Variants in PRKN observed in about 807,000 individuals in gnomAD.
The protein encoded by PRKN is E3 ubiquitin-protein ligase parkin.
Under a neutral mutation model 59.5 loss-of-function variants are expected in PRKN, and 56 were observed. That is an observed-to-expected ratio of 0.94 (90% CI 0.76 to 1.18). The LOEUF is 1.18. PRKN is among the 50% of genes most tolerant of loss of function. The pLI is 0.00. For synonymous variants in PRKN, 250 were observed against 222.1 expected (o/e 1.13, Z -1.12); for missense variants, 657 against 596.4 (o/e 1.10, Z -1.06).
rs1397646089 is a variant in PRKN at position 161,440,802 on chromosome 6, T to C, written c.1084-53925A>G. 6.6e-6 allele frequency among the ~76,000 whole-genome samples: 1 copy of C among 152,170 alleles called. No individual in the cohort carries two copies. Among genetic ancestry groups the C allele is most frequent in the African/African-American group, 2.4e-5 (1 of 41,446 alleles). Reference sequence around the variant, plus strand: ...CTGAAGGTAGAAAGTAGAATGGCCCTGGGTTTTCTGAGGGTTCTTTATTTG... The same window carrying C: ...CTGAAGGTAGAAAGTAGAATGGCCCCGGGTTTTCTGAGGGTTCTTTATTTG... On this transcript the variant is annotated intron_variant, in intron 9 of 11. Coordinates refer to ENST00000366898, the MANE Select transcript of PRKN (RefSeq NM_004562.3). This position sits in a 1 kb window ranked among gnomAD's most constrained non-coding sequence, Gnocchi z 4.1.
At chr6:162,055,996 TGCACGCACACAG>T (rs1562486834) in intron 4 of PRKN, among the ~76,000 whole-genome samples, 4 of 37,978 alleles carry the variant, frequency 1.1e-4, no homozygotes, top group Admixed American at 5.8e-4. Context: ...CACTCAGGCA[TGCACGCACACAG>T]GCATGCACGC....
chr6:162,550,123 C>T (rs892338366), intron 1 of PRKN, among the ~76,000 whole-genome samples: 1 of 152,128 alleles, frequency 6.6e-6, no homozygotes, highest in African/African-American at 2.4e-5. Flanking sequence ...GTTAAGGTTA[C>T]TCCAGTGATC....
intron 5 of PRKN, among the ~76,000 whole-genome samples, chr6:162,014,980 A>G (rs1414740797): frequency 6.6e-6 from 1 of 152,160 alleles, no homozygotes; most frequent in Non-Finnish European, 1.5e-5. Flanking sequence ...TACTTTTTGT[A>G]TAATATCATA....
intron 1 of PRKN, among the ~76,000 whole-genome samples, chr6:162,720,456 T>C (rs1427531932): frequency 6.8e-6 from 1 of 148,108 alleles, no homozygotes. Context: ...TTTTTTTTTT[T>C]TTTTTGAGAC....
chr6:162,355,156 T>C (rs1428797013), intron 2 of PRKN, among the ~76,000 whole-genome samples: 1 of 151,636 alleles, frequency 6.6e-6, no homozygotes, highest in East Asian at 1.9e-4. Flanking sequence ...TAATATATAG[T>C]TTCATGTTAT....
At chr6:161,464,793 ATGAATCCCCAGTG>A (rs1790377728) in intron 9 of PRKN, among the ~76,000 whole-genome samples, 1 of 152,262 alleles carries the variant, frequency 6.6e-6, no homozygotes, top group South Asian at 2.1e-4. Flanking sequence ...AAGGTCTCTT[ATGAATCCCCAGTG>A]AAACGAATTA....
chr6:162,395,826 C>G (rs1043356948), intron 2 of PRKN, among the ~76,000 whole-genome samples: 1 of 152,204 alleles, frequency 6.6e-6, no homozygotes, highest in African/African-American at 2.4e-5. Flanking sequence ...GTCTGTCTAG[C>G]TGAGCATACA....
At chr6:161,663,984 C>T (rs574861684) in intron 7 of PRKN, among the ~76,000 whole-genome samples, 6 of 152,300 alleles carry the variant, frequency 3.9e-5, no homozygotes, top group African/African-American at 9.6e-5. Flanking sequence ...CCGGGAGCTC[C>T]GCTAATGCAG....
chr6:162,082,106 T>A (rs899806600), intron 4 of PRKN, among the ~76,000 whole-genome samples: 2 of 152,124 alleles, frequency 1.3e-5, no homozygotes, highest in African/African-American at 2.4e-5. Context: ...TTGTAACTCC[T>A]ACAATTTCCA....
At chr6:161,537,684 C>G (rs554040795) in intron 9 of PRKN, among the ~76,000 whole-genome samples, 111 of 152,270 alleles carry the variant, frequency 7.3e-4, no homozygotes, top group African/African-American at 2.6e-3. Context: ...ATCTCCTGAC[C>G]TCGTGATCCG....
At chr6:162,366,573 T>G (rs1785447544) in intron 2 of PRKN, among the ~76,000 whole-genome samples, 1 of 152,152 alleles carries the variant, frequency 6.6e-6, no homozygotes, top group Non-Finnish European at 1.5e-5. Context: ...TTAATAGAAA[T>G]GTTTCTTTGA....
chr6:162,658,856 G>T (rs1562476132), intron 1 of PRKN, among the ~76,000 whole-genome samples: 1 of 151,988 alleles, frequency 6.6e-6, no homozygotes, highest in Non-Finnish European at 1.5e-5. Context: ...ATATTTTAAA[G>T]ATATTTAAGA....
chr6:162,426,591 G>A (rs1789248968), intron 2 of PRKN, among the ~76,000 whole-genome samples: 2 of 152,092 alleles, frequency 1.3e-5, no homozygotes, highest in Non-Finnish European at 2.9e-5. Flanking sequence ...TGGGACTACA[G>A]GTGCACCAGC....
chr6:161,490,486 G>A (rs1046899856), intron 9 of PRKN, among the ~76,000 whole-genome samples: 6 of 150,754 alleles, frequency 4.0e-5, no homozygotes, highest in Non-Finnish European at 7.4e-5. Flanking sequence ...TGCCTCCTGG[G>A]TTCAAGCGAT....
At chr6:161,863,778 G>A (rs1161478274) in intron 6 of PRKN, among the ~76,000 whole-genome samples, 1 of 152,124 alleles carries the variant, frequency 6.6e-6, no homozygotes, top group Non-Finnish European at 1.5e-5. Context: ...TAGCTGTCAT[G>A]GGCTTGGTTC....
intron 4 of PRKN, among the ~76,000 whole-genome samples, chr6:162,145,167 T>G (rs2128312003): frequency 6.6e-6 from 1 of 152,306 alleles, no homozygotes; most frequent in South Asian, 2.1e-4. Context: ...TCAATTTCCC[T>G]TTTAGGTGTG....
chr6:161,490,628 T>A (rs1328049706), intron 9 of PRKN, among the ~76,000 whole-genome samples: 3 of 152,076 alleles, frequency 2.0e-5, no homozygotes, highest in East Asian at 3.9e-4. Flanking sequence ...TGACCTCAGG[T>A]GATCCTCCCA....
At chr6:161,991,891 T>C (rs568546359) in intron 5 of PRKN, among the ~76,000 whole-genome samples, 4 of 151,978 alleles carry the variant, frequency 2.6e-5, no homozygotes, top group South Asian at 2.1e-4. Flanking sequence ...CCCAACTATA[T>C]GATGCCTACA....
At chr6:162,709,982 C>T (rs947949189) in intron 1 of PRKN, among the ~76,000 whole-genome samples, 3 of 152,098 alleles carry the variant, frequency 2.0e-5, no homozygotes, top group East Asian at 3.9e-4. Context: ...AGTATGTAAA[C>T]GGAACCGTGG....
Sources: gnomAD v4.1 joint callset for allele counts (sites outside exome capture counted in the v4.1 genomes callset) on GRCh38, gnomAD v4.1.1 for gene constraint, Gnocchi (gnomAD v3.1) non-coding constraint, MANE v1.5 for transcripts, NCBI Gene and HGNC (gene_info 2026-07-23, HGNC 2026-07-21) for gene names.